The following KCNA3 variants were observed in gnomAD, a reference collection of about 807,000 sequenced individuals.
KCNA3 encodes the protein RP11-284N8.3.
In KCNA3, 18 loss-of-function variants were observed where a neutral mutation model predicts 34.3. That is an observed-to-expected ratio of 0.52 (90% CI 0.36 to 0.78). The LOEUF (loss-of-function observed/expected upper bound fraction) is 0.78, where lower values mean the gene tolerates loss of function less well. KCNA3 is among the 30% of genes least tolerant of loss of function. The pLI is 0.00. For missense variants in KCNA3, 587 were observed against 802.5 expected, an observed-to-expected ratio of 0.73 and a Z score of 3.24; for synonymous variants, 324 against 351.7, an observed-to-expected ratio of 0.92 and a Z score of 0.88.
At chr1:110,661,496 A>G in the KCNA3 span, among the ~76,000 whole-genome samples, 572 of 152,336 alleles carry the variant, frequency 3.8e-3, 3 homozygotes, top group African/African-American at 0.013. Context: ...ATTAATGACT[A>G]CTAATCATAA....
chr1:110,674,740 G>C lies in KCNA3; in HGVS notation c.70C>G (p.Gln24Glu), dbSNP rs774132250. ...PSARHRAHPPQRPASSGGAHT... is the reference protein window; with the variant it reads ...PSARHRAHPPERPASSGGAHT... ...GCACCGCCGCTGCTCGCTGGGCGCT[G>C]AGGAGGGTGGGCGCGGTGGCGGGCT... is the stretch of plus-strand genomic sequence containing the variant. The change falls in exon 1 of 1, where the codon CAG becomes GAG. Residue 24 changes from glutamine to glutamate, a missense_variant. Coordinates refer to ENST00000369769, the MANE Select transcript of KCNA3 (RefSeq NM_002232.5). This position sits in a 1 kb window ranked among gnomAD's most constrained non-coding sequence, Gnocchi z 6.4. The C allele has an allele frequency of 3.9e-5, 55 of 1,414,096 alleles. No homozygotes were observed. The highest frequency in any genetic ancestry group is 4.9e-5 in the Non-Finnish European group (54 of 1,091,862). 87.6% of individuals were successfully genotyped at this position (1,414,096 alleles called of 1,614,324 possible).
At chr1:110,655,790 C>T in the KCNA3 span, 1 of 152,070 alleles carries the variant, frequency 6.6e-6, no homozygotes. Context: ...TCCCAAGCAT[C>T]CAAATTTTAG....
chr1:110,663,798 T>A, the KCNA3 span, among the ~76,000 whole-genome samples: 1 of 152,232 alleles, frequency 6.6e-6, no homozygotes, highest in South Asian at 2.1e-4. Flanking sequence ...GTAGTTTAAG[T>A]TTGACCGTTT....
chr1:110,671,639 A>G (rs114156387), downstream of KCNA3, among the ~76,000 whole-genome samples: 683 of 152,166 alleles, frequency 4.5e-3, 11 homozygotes, highest in African/African-American at 0.015. Context: ...TAGCTTGTCA[A>G]GTGCTGTGAT....
rs1652033694 is a variant in KCNA3 at position 110,674,822 on chromosome 1, A to C, written c.-13T>G. ...GGCGCTCGTCCATGCGGCGGGGAAGAGGCGGCAGCGGTGAGGCCAGGTCGC... is the reference window on the plus strand; with the variant it reads ...GGCGCTCGTCCATGCGGCGGGGAAGCGGCGGCAGCGGTGAGGCCAGGTCGC... On this transcript the variant is annotated 5_prime_UTR_variant, in exon 1 of 1. Transcript: ENST00000369769. The surrounding 1 kb of genome is among the most constrained non-coding windows in gnomAD (Gnocchi z 6.4). 1 of 1,303,212 alleles carries C rather than the reference A, an allele frequency of 7.7e-7. No homozygotes were observed. The highest frequency in any genetic ancestry group is 1.6e-5 in the African/African-American group (1 of 64,388). The allele number at this position is 1,303,212 out of a possible 1,614,324, so 80.7% of individuals were successfully genotyped here.
chr1:110,664,896 C>T, the KCNA3 span, among the ~76,000 whole-genome samples: 2 of 152,174 alleles, frequency 1.3e-5, no homozygotes, highest in East Asian at 1.9e-4. Flanking sequence ...GAGGCAGCCA[C>T]GCAGCTATCA....
chr1:110,666,692 G>A, the KCNA3 span, among the ~76,000 whole-genome samples: 1 of 152,178 alleles, frequency 6.6e-6, no homozygotes, highest in African/African-American at 2.4e-5. Flanking sequence ...GCCATTAAGA[G>A]ACCTTCACAC....
chr1:110,657,943 G>C, the KCNA3 span, among the ~76,000 whole-genome samples: 1 of 152,108 alleles, frequency 6.6e-6, no homozygotes, highest in Non-Finnish European at 1.5e-5. Flanking sequence ...CTACTAAATG[G>C]GCTAACATAG....
chr1:110,669,583 G>A (rs776516005), downstream of KCNA3, among the ~76,000 whole-genome samples: 4 of 152,156 alleles, frequency 2.6e-5, no homozygotes, highest in Non-Finnish European at 5.9e-5. Flanking sequence ...ATAGGCTGAA[G>A]CCAAGTCTAA....
At chr1:110,671,174 G>T (rs1167634966), downstream of KCNA3, among the ~76,000 whole-genome samples, 1 of 152,198 alleles carries the variant, frequency 6.6e-6, no homozygotes, top group East Asian at 1.9e-4. Context: ...GAAACAGGTT[G>T]CTTGGAGGCC....
the KCNA3 span, among the ~76,000 whole-genome samples, chr1:110,662,338 T>C: frequency 6.6e-6 from 1 of 151,890 alleles, no homozygotes; most frequent in African/African-American, 2.4e-5. Context: ...ATTATCAAAT[T>C]TATGAAGAAG....
the KCNA3 span, among the ~76,000 whole-genome samples, chr1:110,660,021 C>T: frequency 6.6e-6 from 1 of 152,042 alleles, no homozygotes; most frequent in Non-Finnish European, 1.5e-5. Flanking sequence ...CAACATGACA[C>T]ATGTATACCT....
chr1:110,669,471 G>T (rs934014974), downstream of KCNA3, among the ~76,000 whole-genome samples: 5 of 151,958 alleles, frequency 3.3e-5, no homozygotes, highest in South Asian at 6.2e-4. Flanking sequence ...GCTTATATTT[G>T]GTTAAAATAC....
chr1:110,663,878 T>C, the KCNA3 span, among the ~76,000 whole-genome samples: 1 of 152,226 alleles, frequency 6.6e-6, no homozygotes, highest in East Asian at 1.9e-4. Flanking sequence ...TCTGCTTTCA[T>C]GTATGAACAA....
the KCNA3 span, among the ~76,000 whole-genome samples, chr1:110,662,070 G>T: frequency 7.6e-6 from 1 of 131,132 alleles, no homozygotes; most frequent in Non-Finnish European, 1.5e-5. Flanking sequence ...CCGAGACGGT[G>T]CCACTGCACT....
chr1:110,665,741 G>GA, the KCNA3 span, among the ~76,000 whole-genome samples: 4 of 152,288 alleles, frequency 2.6e-5, no homozygotes, highest in East Asian at 7.7e-4. Flanking sequence ...GGAGAGGCCA[G>GA]AGAGGTAGAA....
the KCNA3 span, among the ~76,000 whole-genome samples, chr1:110,659,932 G>A: frequency 6.6e-6 from 1 of 151,248 alleles, no homozygotes; most frequent in Non-Finnish European, 1.5e-5. Context: ...GTTGGGGGGT[G>A]GGGGGCTGGG....
downstream of KCNA3, among the ~76,000 whole-genome samples, chr1:110,669,125 T>C (rs1379683307): frequency 6.6e-6 from 1 of 152,230 alleles, no homozygotes; most frequent in African/African-American, 2.4e-5. Flanking sequence ...ATTCTGCTTT[T>C]AATACTTCTG....
At position 110,674,531 on chromosome 1, in the gene KCNA3, C is replaced by A; in HGVS notation, c.279G>T (p.Leu93=). ...AGCAGTCCTGCTCGCCCGCGGCCGG[C>A]AGTGAGGGCGGCAGCGGCTCGTAGC... ...CDRYEPLPPS[L]PAAGEQDCCG... Residue 93 remains leucine, a synonymous_variant, in exon 1 of 1, where the codon CTG becomes CTT. Transcript: ENST00000369769. The surrounding 1 kb of genome is among the most constrained non-coding windows in gnomAD (Gnocchi z 6.4). 9 of 1,609,554 alleles carry A rather than the reference C, an allele frequency of 5.6e-6. No homozygotes were observed. The highest frequency in any genetic ancestry group is 7.6e-6 in the Non-Finnish European group (9 of 1,178,342).
Sources: gnomAD v4.1 joint callset for allele counts (sites outside exome capture counted in the v4.1 genomes callset) on GRCh38, gnomAD v4.1.1 for gene constraint, Gnocchi (gnomAD v3.1) non-coding constraint, MANE v1.5 for transcripts, NCBI Gene and HGNC (gene_info 2026-07-23, HGNC 2026-07-21) for gene names.